PTH2R: variants seen among roughly 807,000 people sequenced by gnomAD.
PTH2R encodes the protein PTH2 receptor.
PTH2R carries 59 observed loss-of-function variants against 60.3 expected under a neutral mutation model. The observed-to-expected ratio is 0.98, with a 90% confidence interval of 0.79 to 1.22. PTH2R has a LOEUF of 1.22. Ranked by LOEUF, PTH2R falls within the 50% of genes most tolerant of loss-of-function variation. PTH2R has a pLI of 0.00. For missense variants in PTH2R, 749 were observed against 682.6 expected (o/e 1.10, Z -1.08); for synonymous variants, 256 against 243.8 (o/e 1.05, Z -0.47).
upstream of PTH2R, among the ~76,000 whole-genome samples, chr2:208,403,288 G>C (rs934567582): frequency 1.3e-5 from 2 of 152,138 alleles, no homozygotes; most frequent in Non-Finnish European, 2.9e-5. Context: ...CATATGTAGG[G>C]ATGATTTAAG....
chr2:208,391,919 A>G (rs931340594), intron 1 of PTH2R, among the ~76,000 whole-genome samples: 7 of 152,296 alleles, frequency 4.6e-5, no homozygotes, highest in Middle Eastern at 3.4e-3. Flanking sequence ...ACAGAGCAGT[A>G]TATAATCCAC....
Position 208,494,298 on chromosome 2 carries a change from A to G in PTH2R, c.*639A>G, listed in dbSNP as rs1289889033. The stretch of plus-strand genomic sequence containing the variant: ...TCTTTTGAATGGCCTCTTTGTGACC[A>G]GCCAGACCTCAGGTCTTCACTCTTT... On this transcript the variant is annotated 3_prime_UTR_variant, in exon 13 of 13. Coordinates refer to ENST00000272847, the MANE Select transcript of PTH2R (RefSeq NM_005048.4). 2 of 152,244 alleles carry G rather than the reference A, an allele frequency of 1.3e-5. No individual in the cohort carries two copies. The highest frequency in any genetic ancestry group is 3.8e-4 in the East Asian group (2 of 5,202). 9.4% of individuals were successfully genotyped at this position (152,244 alleles called of 1,614,324 possible).
chr2:208,378,191 C>T lies in PTH2R; in HGVS notation c.-259+17954C>T, dbSNP rs1416403058. On this transcript the variant is annotated intron_variant, in intron 1 of 12. Coordinates refer to the PTH2R transcript ENST00000617735. ...CTGGAGACCAGCCCGGCCAACACAGCGAAACCCTGTCTCCACCAAAAAAAT... is the reference window on the plus strand; with the variant it reads ...CTGGAGACCAGCCCGGCCAACACAGTGAAACCCTGTCTCCACCAAAAAAAT... Among the ~76,000 whole-genome samples the T allele has an allele frequency of 4.0e-5, 6 of 151,868 alleles. No individual in the cohort carries two copies. The East Asian group carries it at 7.8e-4, about 20-fold the overall frequency.
At position 208,493,465 on chromosome 2, in the gene PTH2R, G is replaced by C. The variant is rs1703457596; in HGVS notation, c.1459G>C (p.Asp487His). ...KAAKIASRQP[D>H]SHITLPGYVW... ...TGCCAAGATCGCCAGCAGACAGCCTGACAGCCACATCACTTTACCTGGCTA... is the reference window on the plus strand; with the variant it reads ...TGCCAAGATCGCCAGCAGACAGCCTCACAGCCACATCACTTTACCTGGCTA... The change falls in exon 13 of 13, where the codon GAC (aspartate) becomes CAC (histidine). Residue 487 changes from aspartate to histidine, a missense_variant. By Grantham distance (81) the Asp-to-His change is moderately conservative (BLOSUM62 -1). Coordinates refer to ENST00000272847, the MANE Select transcript of PTH2R (RefSeq NM_005048.4). The C allele has an allele frequency of 6.2e-7, 1 of 1,611,316 alleles. No individual in the cohort carries two copies. Among genetic ancestry groups the C allele is most frequent in the Admixed American group, 1.7e-5 (1 of 59,814 alleles).
intron 1 of PTH2R, among the ~76,000 whole-genome samples, chr2:208,377,759 C>T (rs1700830365): frequency 6.6e-6 from 1 of 150,548 alleles, no homozygotes; most frequent in Non-Finnish European, 1.5e-5. Flanking sequence ...CAGAGGCGCT[C>T]CTCACATCCC....
At chr2:208,468,617 T>A (rs979212810) in intron 9 of PTH2R, among the ~76,000 whole-genome samples, 5 of 152,184 alleles carry the variant, frequency 3.3e-5, no homozygotes, top group Non-Finnish European at 5.9e-5. Context: ...CCCACTGTAC[T>A]TTTAGAAGGT....
intron 1 of PTH2R, among the ~76,000 whole-genome samples, chr2:208,424,465 G>C (rs1053889935): frequency 6.6e-6 from 1 of 152,194 alleles, no homozygotes; most frequent in African/African-American, 2.4e-5. Flanking sequence ...TCATGTGTGA[G>C]AGCCCTGCCT....
intron 1 of PTH2R, among the ~76,000 whole-genome samples, chr2:208,421,364 G>T (rs549583117): frequency 6.6e-6 from 1 of 150,536 alleles, no homozygotes; most frequent in Non-Finnish European, 1.5e-5. Flanking sequence ...TTCATATTGG[G>T]GGTGTGTGTG....
intron 8 of PTH2R, among the ~76,000 whole-genome samples, chr2:208,458,135 T>G (rs1231964337): frequency 1.3e-5 from 2 of 152,194 alleles, no homozygotes; most frequent in Non-Finnish European, 2.9e-5. Context: ...TCTTTACTAG[T>G]ACAAACCAGA....
chr2:208,493,223 C>G (rs1703446083), intron 12 of PTH2R, 41 bp from the exon 13 acceptor site: 1 of 1,457,278 alleles, frequency 6.9e-7, no homozygotes, highest in Admixed American at 2.5e-5. Flanking sequence ...GCAGGGTCTC[C>G]TTTAGGATTT....
chr2:208,415,003 A>C (rs1701611800), intron 1 of PTH2R, among the ~76,000 whole-genome samples: 1 of 152,196 alleles, frequency 6.6e-6, no homozygotes, highest in South Asian at 2.1e-4. Context: ...ATCACAACCT[A>C]GAAGAACCTA....
chr2:208,438,690 T>C (rs1253447133), intron 4 of PTH2R, among the ~76,000 whole-genome samples: 1 of 152,208 alleles, frequency 6.6e-6, no homozygotes, highest in Non-Finnish European at 1.5e-5. Flanking sequence ...ATAAATTAGC[T>C]TTATGAAAAC....
At chr2:208,438,643 A>C (rs375784492) in intron 4 of PTH2R, among the ~76,000 whole-genome samples, 1 of 152,204 alleles carries the variant, frequency 6.6e-6, no homozygotes, top group Admixed American at 6.5e-5. Flanking sequence ...GTAAAAATGC[A>C]TGATGATATA....
At chr2:208,464,837 A>G (rs1240885858) in intron 9 of PTH2R, among the ~76,000 whole-genome samples, 1 of 152,168 alleles carries the variant, frequency 6.6e-6, no homozygotes, top group African/African-American at 2.4e-5. Context: ...AACAAAACAA[A>G]ACCCCTTATT....
chr2:208,372,417 G>A (rs1035615344), intron 1 of PTH2R, among the ~76,000 whole-genome samples: 2 of 152,072 alleles, frequency 1.3e-5, no homozygotes, highest in African/African-American at 2.4e-5. Context: ...GGTCATGGAA[G>A]TGTGTGTTAG....
intron 1 of PTH2R, among the ~76,000 whole-genome samples, chr2:208,416,562 C>G (rs1044198385): frequency 3.3e-5 from 5 of 152,130 alleles, no homozygotes; most frequent in African/African-American, 1.2e-4. Context: ...ACTACTTTTT[C>G]AAGCTATCTG....
intron 4 of PTH2R, among the ~76,000 whole-genome samples, chr2:208,439,657 A>T (rs1574873981): frequency 1.3e-5 from 2 of 152,160 alleles, no homozygotes; most frequent in South Asian, 4.1e-4. Flanking sequence ...AAAATGAGGT[A>T]ATTATTTTAG....
chr2:208,394,136 G>A (rs1701161284), intron 1 of PTH2R, among the ~76,000 whole-genome samples: 1 of 152,180 alleles, frequency 6.6e-6, no homozygotes, highest in Non-Finnish European at 1.5e-5. Context: ...TTGCCCTTCT[G>A]TTTGCAGAAA....
intron 6 of PTH2R, 46 bp from the exon 7 acceptor site, chr2:208,444,688 C>T (rs1236709951): frequency 9.5e-6 from 15 of 1,575,434 alleles, no homozygotes; most frequent in Non-Finnish European, 1.3e-5. Flanking sequence ...GCATCCAGTA[C>T]AACAAAGTGT....
Sources: allele counts gnomAD v4.1 joint callset (sites outside exome capture counted in the v4.1 genomes callset), GRCh38; gene constraint gnomAD v4.1.1; transcripts MANE v1.5; gene names NCBI Gene and HGNC (gene_info 2026-07-23, HGNC 2026-07-21).